The following EDEM3 variants were observed in gnomAD, a reference collection of about 807,000 sequenced individuals.
The protein encoded by EDEM3 is ER degradation enhancing alpha-mannosidase like protein 3, also known as ER degradation-enhancing alpha-mannosidase-like protein 3.
In EDEM3, 60 loss-of-function variants were observed where a neutral mutation model predicts 110.2. That is an observed-to-expected ratio of 0.54 (90% CI 0.44 to 0.67). The LOEUF is 0.67. Ranked by LOEUF, EDEM3 falls within the 30% of genes least tolerant of loss-of-function variation. The pLI is 0.00. For missense variants in EDEM3, 996 were observed against 1,121.0 expected, an observed-to-expected ratio of 0.89 and a Z score of 1.59; for synonymous variants, 352 against 382.9, an observed-to-expected ratio of 0.92 and a Z score of 0.94.
chr1:184,731,393 T>G (rs372688966), intron 6 of EDEM3, among the ~76,000 whole-genome samples: 24 of 152,378 alleles, frequency 1.6e-4, no homozygotes, highest in African/African-American at 5.8e-4. Flanking sequence ...TCATTCCTAT[T>G]TACTTTCACC....
At chr1:184,741,491 T>C (rs1652137268) in intron 2 of EDEM3, among the ~76,000 whole-genome samples, 1 of 152,172 alleles carries the variant, frequency 6.6e-6, no homozygotes, top group Admixed American at 6.5e-5. Flanking sequence ...TAGTAAATAA[T>C]AGTTTTGCTA....
At chr1:184,732,806 A>ATC (rs1424373498) in intron 6 of EDEM3, 31 bp downstream of exon 6, 4 of 1,603,184 alleles carry the variant, frequency 2.5e-6, no homozygotes, top group Non-Finnish European at 3.4e-6. Flanking sequence ...AAGAAAGTAT[A>ATC]TAAAGACTCA....
At chr1:184,701,683 C>A in intron 19 of EDEM3, 7 of 442,628 alleles carry the variant, frequency 1.6e-5, no homozygotes, top group Non-Finnish European at 2.6e-5. Context: ...AGAAAAGGGC[C>A]CAGGAAAAAA....
chr1:184,709,533 G>A (rs1402485675), intron 16 of EDEM3, among the ~76,000 whole-genome samples: 1 of 152,198 alleles, frequency 6.6e-6, no homozygotes, highest in Non-Finnish European at 1.5e-5. Flanking sequence ...AAGGGAAAAT[G>A]TTTTATGAAG....
At chr1:184,698,396 T>A in intron 19 of EDEM3, among the ~76,000 whole-genome samples, 1 of 151,812 alleles carries the variant, frequency 6.6e-6, no homozygotes, top group East Asian at 1.9e-4. Context: ...AATAGTGACA[T>A]GGTTAAATAA....
chr1:184,694,296 C>A lies in EDEM3; in HGVS notation c.2566G>T (p.Ala856Ser), dbSNP rs776272651. 7.4e-6 allele frequency: 12 copies of A among 1,613,118 alleles called. No individual in the cohort carries two copies. In the Admixed American group the frequency reaches 1.5e-4, roughly 20 times the overall value. Residue 856 changes from alanine to serine, a missense_variant, in exon 20 of 20, where the codon GCA (alanine) becomes TCA (serine). This residue lies in a region of EDEM3 where 345 missense variants were observed against 402.0 expected (regional missense o/e 0.86). Transcript: ENST00000318130. ...GTCTGTTCAGAAGGGGAAATGCTTG[C>A]AGCATTGTCCATATCTGCTAGAGAT... is the stretch of plus-strand genomic sequence containing the variant. ...SLSLADMDNA[A>S]SISPSEQTSN... is the part of the protein sequence containing the mutation.
intron 19 of EDEM3, among the ~76,000 whole-genome samples, chr1:184,698,723 G>A (rs1387200212): frequency 6.6e-6 from 1 of 151,644 alleles, no homozygotes; most frequent in Admixed American, 6.6e-5. Flanking sequence ...ATTCTATGCA[G>A]CACTATAGGA....
At chr1:184,754,047 G>A (rs151037121) in intron 1 of EDEM3, among the ~76,000 whole-genome samples, 1 of 152,162 alleles carries the variant, frequency 6.6e-6, no homozygotes, top group Non-Finnish European at 1.5e-5. Context: ...CCCCTTTTCC[G>A]TAACAGGTGT....
intron 14 of EDEM3, 67 bp from the exon 15 acceptor site, chr1:184,711,944 TG>T (rs1244813754): frequency 4.0e-6 from 5 of 1,241,818 alleles, no homozygotes; most frequent in Non-Finnish European, 5.5e-6. Flanking sequence ...TTTTTTTTTT[TG>T]AAATGGAGTC....
chr1:184,744,249 A>AATATATAT (rs55959890), intron 2 of EDEM3, among the ~76,000 whole-genome samples: 202 of 87,568 alleles, frequency 2.3e-3, no homozygotes, highest in Non-Finnish European at 3.0e-3. Context: ...ACAAATGACA[A>AATATATAT]ATATATATAT....
intron 6 of EDEM3, among the ~76,000 whole-genome samples, chr1:184,728,782 G>C (rs934658142): frequency 3.3e-5 from 5 of 151,986 alleles, no homozygotes; most frequent in Admixed American, 6.5e-5. Flanking sequence ...GCTAATTTTT[G>C]TATGTTTAGT....
chr1:184,706,511 C>G (rs1649935154), intron 18 of EDEM3, 132 bp downstream of exon 18: 1 of 674,266 alleles, frequency 1.5e-6, no homozygotes, highest in African/African-American at 1.8e-5. Flanking sequence ...ATTGGATTAC[C>G]TATCCTTGTT....
At chr1:184,747,743 G>T (rs1159649945) in intron 2 of EDEM3, among the ~76,000 whole-genome samples, 1 of 152,184 alleles carries the variant, frequency 6.6e-6, no homozygotes, top group East Asian at 1.9e-4. Context: ...ATAGGCACAG[G>T]CCAGAAAGTC....
intron 9 of EDEM3, among the ~76,000 whole-genome samples, chr1:184,719,919 G>A (rs1650788732): frequency 1.3e-5 from 2 of 152,288 alleles, no homozygotes; most frequent in South Asian, 2.1e-4. Flanking sequence ...ATAGCTATCA[G>A]CTTCTGTATT....
rs1022810111 is a variant in EDEM3 at position 184,719,481 on chromosome 1, A to C, written c.1039T>G (p.Trp347Gly). 4 of 1,614,000 alleles carry C rather than the reference A, an allele frequency of 2.5e-6. No homozygotes were observed. The highest frequency in any genetic ancestry group is 4.5e-5 in the East Asian group (2 of 44,840). ...IHKPMLNART[W>G]MDALLAFFPG... Reference sequence around the variant, plus strand: ...AAGAAGGCAAGCAAAGCATCCATCCAAGTCCGAGCATTCAGCATTGGTTTG... The same window carrying C: ...AAGAAGGCAAGCAAAGCATCCATCCCAGTCCGAGCATTCAGCATTGGTTTG... The change falls in exon 10 of 20, where the codon TGG becomes GGG. Residue 347 changes from tryptophan to glycine, a missense_variant. This residue lies in a region of EDEM3 where 310 missense variants were observed against 394.6 expected (regional missense o/e 0.79). Transcript: ENST00000318130.
At chr1:184,739,494 T>C (rs1363443462) in intron 2 of EDEM3, among the ~76,000 whole-genome samples, 1 of 152,040 alleles carries the variant, frequency 6.6e-6, no homozygotes, top group Non-Finnish European at 1.5e-5. Flanking sequence ...AAATTTTAAT[T>C]GGAAGAACTG....
chr1:184,744,715 T>A (rs1316602692), intron 2 of EDEM3, among the ~76,000 whole-genome samples: 1 of 152,054 alleles, frequency 6.6e-6, no homozygotes, highest in African/African-American at 2.4e-5. Flanking sequence ...TCAAATCAAC[T>A]AATACTACTG....
chr1:184,746,800 G>T (rs1319751238), intron 2 of EDEM3, among the ~76,000 whole-genome samples: 1 of 152,128 alleles, frequency 6.6e-6, no homozygotes, highest in Non-Finnish European at 1.5e-5. Flanking sequence ...CCAGACTGGA[G>T]AGTAGTATTA....
intron 5 of EDEM3, 63 bp downstream of exon 5, chr1:184,734,468 A>G: frequency 1.5e-6 from 1 of 667,370 alleles, no homozygotes; most frequent in Non-Finnish European, 2.1e-6. Flanking sequence ...CTCTGTCTCA[A>G]AAAATATATA....
Sources: allele counts gnomAD v4.1 joint callset (sites outside exome capture counted in the v4.1 genomes callset), GRCh38; gene constraint gnomAD v4.1.1; regional missense constraint gnomAD v4.1.1; transcripts MANE v1.5; gene names NCBI Gene and HGNC (gene_info 2026-07-23, HGNC 2026-07-21).